LNPK: variants seen among roughly 807,000 people sequenced by gnomAD.
LNPK encodes the protein endoplasmic reticulum junction formation protein lunapark.
Under a neutral mutation model 55.2 loss-of-function variants are expected in LNPK, and 29 were observed. That is an observed-to-expected ratio of 0.53 (90% CI 0.39 to 0.72). The LOEUF is 0.72. Ranked by LOEUF, LNPK falls within the 30% of genes least tolerant of loss-of-function variation. LNPK has a pLI of 0.00. For synonymous variants in LNPK, 162 were observed against 168.2 expected, an observed-to-expected ratio of 0.96 and a Z score of 0.29; for missense variants, 467 against 494.8, an observed-to-expected ratio of 0.94 and a Z score of 0.53.
At chr2:175,933,731 G>GTGTT (rs1684395317) in intron 12 of LNPK, among the ~76,000 whole-genome samples, 2 of 122,110 alleles carry the variant, frequency 1.6e-5, no homozygotes, top group Non-Finnish European at 3.2e-5. Context: ...CAAGTTAAGG[G>GTGTT]TTTTTTTTTT....
In LNPK at chr2:175,930,062, C is replaced by T. The variant is rs1684191368; in HGVS notation, c.1192G>A (p.Glu398Lys). 4 of 1,614,054 alleles carry T rather than the reference C, an allele frequency of 2.5e-6. No homozygotes were observed. The highest frequency in any genetic ancestry group is 2.2e-5 in the South Asian group (2 of 91,074). The change falls in exon 13 of 13, where the codon GAG becomes AAG. Residue 398 changes from glutamate to lysine, a missense_variant. Physicochemically the swap from Glu to Lys is moderately conservative, Grantham distance 56. Transcript: ENST00000272748. ...TTGGTTTCAATCACTGAGGCTTCCT[C>T]ATTCTCAGTCTCTTGTTTCTCCTCT... ...EPEEKQETEN[E>K]EASVIETNST...
At chr2:175,975,656 A>G (rs148677935) in intron 5 of LNPK, among the ~76,000 whole-genome samples, 155 of 152,296 alleles carry the variant, frequency 1.0e-3, no homozygotes, top group African/African-American at 3.3e-3. Context: ...TAGTCACCCT[A>G]TTGTGCTATC....
chr2:175,968,845 C>T (rs569090253), intron 6 of LNPK, among the ~76,000 whole-genome samples: 2 of 151,940 alleles, frequency 1.3e-5, no homozygotes, highest in South Asian at 4.2e-4. Flanking sequence ...ATAGTGAAGC[C>T]CCGCCTCTAC....
chr2:175,947,627 G>A lies in LNPK; in HGVS notation c.559C>T (p.Pro187Ser). The change falls in exon 9 of 13, where the codon CCT becomes TCT. Residue 187 changes from proline to serine, a missense_variant. Physicochemically the swap from Pro to Ser is moderately conservative, Grantham distance 74 (BLOSUM62 -1). Transcript: ENST00000272748. ...SPTPASPNQG[P>S]PPQVPVSPGP... ...GGAGATACTGGAACTTGTGGAGGAG[G>A]GCCCTGGTTAGGGCTTGCTGGTGTT... The A allele has an allele frequency of 1.2e-6, 2 of 1,613,934 alleles. No individual in the cohort carries two copies. Among genetic ancestry groups the A allele is most frequent in the Non-Finnish European group, 1.7e-6 (2 of 1,179,930 alleles).
intron 6 of LNPK, among the ~76,000 whole-genome samples, chr2:175,967,426 A>G (rs1422682728): frequency 6.6e-6 from 1 of 152,196 alleles, no homozygotes; most frequent in Non-Finnish European, 1.5e-5. Context: ...AAACTTTTTA[A>G]GTTTTGAAAG....
intron 6 of LNPK, among the ~76,000 whole-genome samples, chr2:175,969,953 C>G (rs1212720525): frequency 6.6e-6 from 1 of 152,128 alleles, no homozygotes; most frequent in African/African-American, 2.4e-5. Context: ...TTAGTCTTAA[C>G]CTTCACAATA....
At chr2:175,964,892 T>C (rs769772754) in intron 6 of LNPK, among the ~76,000 whole-genome samples, 2 of 152,172 alleles carry the variant, frequency 1.3e-5, no homozygotes, top group African/African-American at 2.4e-5. Context: ...GCCATCATTA[T>C]TGGAAGTTAT....
chr2:175,993,043 T>C (rs1376092590), intron 3 of LNPK, 139 bp downstream of exon 3: 4 of 548,892 alleles, frequency 7.3e-6, no homozygotes, highest in African/African-American at 2.0e-5. Flanking sequence ...TGAGATCACA[T>C]AATATTAAAG....
At chr2:175,984,894 C>T (rs1687333926) in intron 4 of LNPK, among the ~76,000 whole-genome samples, 2 of 152,198 alleles carry the variant, frequency 1.3e-5, no homozygotes, top group South Asian at 2.1e-4. Flanking sequence ...TATGTTCATA[C>T]AAAAACTTGT....
chr2:175,963,856 T>C (rs924338441), intron 8 of LNPK, among the ~76,000 whole-genome samples: 1 of 152,058 alleles, frequency 6.6e-6, no homozygotes, highest in Non-Finnish European at 1.5e-5. Context: ...AATGATGTAA[T>C]AGTAATGACT....
intron 4 of LNPK, among the ~76,000 whole-genome samples, chr2:175,985,508 TCAC>T (rs1687363541): frequency 6.6e-6 from 1 of 152,206 alleles, no homozygotes; most frequent in African/African-American, 2.4e-5. Flanking sequence ...TGTGGTACAT[TCAC>T]TTTGGGTCAG....
intron 8 of LNPK, among the ~76,000 whole-genome samples, chr2:175,963,727 A>G (rs951507000): frequency 2.0e-5 from 3 of 151,908 alleles, no homozygotes; most frequent in Admixed American, 6.6e-5. Context: ...AATTAAAAAA[A>G]AAGAAAAGAA....
intron 4 of LNPK, among the ~76,000 whole-genome samples, chr2:175,989,103 T>C (rs1687573415): frequency 2.0e-5 from 3 of 152,172 alleles, no homozygotes; most frequent in Non-Finnish European, 4.4e-5. Context: ...TACTAGTGTA[T>C]CATGAAATAA....
intron 4 of LNPK, among the ~76,000 whole-genome samples, chr2:175,990,044 A>G (rs1326832217): frequency 6.6e-6 from 1 of 152,334 alleles, no homozygotes. Flanking sequence ...CACAGTGTTG[A>G]GCAAAACAAC....
At chr2:175,931,066 A>G (rs985198736) in intron 12 of LNPK, among the ~76,000 whole-genome samples, 3 of 152,186 alleles carry the variant, frequency 2.0e-5, no homozygotes, top group Non-Finnish European at 4.4e-5. Context: ...GGAGCAGACA[A>G]CCTTTGGGCC....
chr2:175,943,463 C>CA (rs1027385786), intron 9 of LNPK, among the ~76,000 whole-genome samples: 1 of 151,588 alleles, frequency 6.6e-6, no homozygotes, highest in Non-Finnish European at 1.5e-5. Context: ...AAAAAATAAA[C>CA]AAAAAAACCA....
At chr2:175,971,810 A>G (rs1439389251) in intron 5 of LNPK, among the ~76,000 whole-genome samples, 1 of 152,234 alleles carries the variant, frequency 6.6e-6, no homozygotes, top group Non-Finnish European at 1.5e-5. Flanking sequence ...TTTTTGTTAG[A>G]TAAGACCAAG....
At chr2:175,945,252 G>A (rs928128264) in intron 9 of LNPK, among the ~76,000 whole-genome samples, 3 of 148,238 alleles carry the variant, frequency 2.0e-5, no homozygotes, top group African/African-American at 7.4e-5. Context: ...GCTCACACCT[G>A]TAATCCCGGC....
At chr2:175,962,241 G>A (rs1025174785) in intron 8 of LNPK, among the ~76,000 whole-genome samples, 13 of 152,148 alleles carry the variant, frequency 8.5e-5, no homozygotes, top group Admixed American at 5.2e-4. Flanking sequence ...AGCCTGCATT[G>A]CCAAGACAAT....
Sources: gnomAD v4.1 joint callset for allele counts (sites outside exome capture counted in the v4.1 genomes callset) on GRCh38, gnomAD v4.1.1 for gene constraint, MANE v1.5 for transcripts, NCBI Gene and HGNC (gene_info 2026-07-23, HGNC 2026-07-21) for gene names.